Variants in ALG13 observed in about 807,000 individuals in gnomAD.
ALG13 encodes UDP-N-acetylglucosamine transferase subunit ALG13.
Under a neutral mutation model 87.8 loss-of-function variants are expected in ALG13, and 11 were observed. That is an observed-to-expected ratio of 0.13 (90% CI 0.08 to 0.21). The LOEUF (loss-of-function observed/expected upper bound fraction) is 0.21, where lower values mean the gene tolerates loss of function less well. Ranked by LOEUF, ALG13 falls within the 10% of genes least tolerant of loss-of-function variation. ALG13 has a pLI of 1.00. For missense variants in ALG13, 756 were observed against 866.1 expected (o/e 0.87, Z 1.60); for synonymous variants, 320 against 306.3 (o/e 1.04, Z -0.47).
intron 3 of ALG13, among the ~76,000 whole-genome samples, chrX:111,696,982 C>CTTTTTTT (rs55888261): frequency 1.3e-5 from 1 of 74,157 alleles, no homozygotes; most frequent in African/African-American, 5.4e-5. Flanking sequence ...TGGTTCTTAC[C>CTTTTTTT]TTTTTTTTTT....
chrX:111,725,650 T>C (rs1337995846), intron 15 of ALG13, among the ~76,000 whole-genome samples: 1 of 111,826 alleles, frequency 8.9e-6, no homozygotes, highest in Non-Finnish European at 1.9e-5. Flanking sequence ...TTTGAGGTGA[T>C]AGATATCCCA....
At position 111,749,485 on chromosome X, in the gene ALG13, C is replaced by G. The variant is rs144318214; in HGVS notation, c.2933-3305C>G. Among the ~76,000 whole-genome samples the G allele has an allele frequency of 5.1e-3, 550 of 106,848 alleles. 3 individuals are homozygous for G. The highest frequency in any genetic ancestry group is 0.018 in the African/African-American group (519 of 29,167). The allele number at this position is 106,848 out of a possible 115,157, so 92.8% of individuals were successfully genotyped here. A position where few individuals can be genotyped will look rare whatever the true frequency, so the allele number is the denominator to read the frequency against. ...GGTAGGGTCATTTGCATGTCTCTTA[C>G]ACTATCAAATTTTACCAAAAAAAAA... On this transcript the variant is annotated intron_variant, in intron 24 of 26. Transcript: ENST00000394780.
At chrX:111,736,462 G>C (rs759074149) in intron 22 of ALG13, among the ~76,000 whole-genome samples, 1 of 111,386 alleles carries the variant, frequency 9.0e-6, no homozygotes, top group Non-Finnish European at 1.9e-5. Flanking sequence ...CATTGTATAC[G>C]ATTTAATACT....
intron 26 of ALG13, among the ~76,000 whole-genome samples, 161 bp from the exon 27 acceptor site, chrX:111,759,573 T>C (rs1945570966): frequency 8.9e-6 from 1 of 111,999 alleles, no homozygotes; most frequent in Non-Finnish European, 1.9e-5. Flanking sequence ...CATATTATCT[T>C]TACTCATTAT....
intron 26 of ALG13, 59 bp downstream of exon 26, chrX:111,757,821 C>CA: frequency 3.8e-6 from 4 of 1,056,654 alleles, no homozygotes; most frequent in African/African-American, 1.8e-5. Flanking sequence ...GTGTGTAATT[C>CA]AATAATAGCT....
chrX:111,736,416 C>A (rs1159146865), intron 22 of ALG13, among the ~76,000 whole-genome samples: 1 of 111,590 alleles, frequency 9.0e-6, no homozygotes, highest in Non-Finnish European at 1.9e-5. Context: ...GAGCGGGCAA[C>A]TAGGCAGACA....
chrX:111,713,358 C>T, intron 8 of ALG13, 61 bp downstream of exon 8: 1 of 768,300 alleles, frequency 1.3e-6, no homozygotes, highest in Non-Finnish European at 1.9e-6. Flanking sequence ...TCTGGCTTGC[C>T]TGGATATTAA....
At chrX:111,698,198 A>G (rs1322651837) in intron 3 of ALG13, among the ~76,000 whole-genome samples, 1 of 111,746 alleles carries the variant, frequency 8.9e-6, no homozygotes, top group East Asian at 2.8e-4. Context: ...ATATCATTGT[A>G]ACCTTCCTAC....
intron 8 of ALG13, among the ~76,000 whole-genome samples, chrX:111,715,170 C>T (rs772320471): frequency 9.0e-6 from 1 of 111,694 alleles, no homozygotes; most frequent in Non-Finnish European, 1.9e-5. Flanking sequence ...CATGAGAATA[C>T]AAAAATTTCA....
rs762118639 is a variant in ALG13, at chrX:111,682,382, T to TGTGC, written c.244+90_244+93dup. On this transcript the variant is annotated intron_variant, in intron 2 of 26. Transcript: ENST00000394780. The stretch of plus-strand genomic sequence containing the variant: ...GTATTCTGGGGGTACATGTGCAGGA[T>TGTGC]GTGCGGGCTTGTTACAAAGGTAAAC... 4.4e-3 allele frequency: 3,322 copies of TGTGC among 751,001 alleles called. 12 individuals carry two copies. Among genetic ancestry groups the TGTGC allele is most frequent in the Non-Finnish European group, 5.4e-3 (2,954 of 547,066 alleles). 61.9% of individuals were successfully genotyped at this position (751,001 alleles called of 1,213,427 possible). A position where few individuals can be genotyped will look rare whatever the true frequency, so the allele number is the denominator to read the frequency against.
chrX:111,717,982 C>G, intron 9 of ALG13, 55 bp downstream of exon 9: 2 of 1,108,644 alleles, frequency 1.8e-6, no homozygotes, highest in African/African-American at 3.6e-5. Context: ...TGTTTTCACT[C>G]AGGGACCCAC....
In ALG13 at chrX:111,749,296, G is replaced by T. The variant is rs551360956; in HGVS notation, c.2933-3494G>T. Among the ~76,000 whole-genome samples, 6 of 110,223 alleles carry T rather than the reference G, an allele frequency of 5.4e-5. No homozygotes were observed. In the South Asian group the frequency reaches 2.3e-3, roughly 43 times the overall value. On this transcript the variant is annotated intron_variant, in intron 24 of 26. Coordinates refer to ENST00000394780, the MANE Select transcript of ALG13 (RefSeq NM_001099922.3). ...CCAGTATTCCAGCAGTACCATTTGT[G>T]AAAAAGATTTTCCTTTCCTCGTTGG...
intron 26 of ALG13, among the ~76,000 whole-genome samples, chrX:111,758,979 T>C (rs1945509450): frequency 9.0e-6 from 1 of 110,709 alleles, no homozygotes; most frequent in African/African-American, 3.3e-5. Context: ...ATATTAGGAA[T>C]ACTAATTTCT....
At chrX:111,746,594 C>T (rs1944259112) in intron 24 of ALG13, among the ~76,000 whole-genome samples, 1 of 111,682 alleles carries the variant, frequency 9.0e-6, no homozygotes, top group South Asian at 3.8e-4. Context: ...GGACTGTTTC[C>T]AGTTTGGGGC....
At chrX:111,717,541 CTTTTTTTTT>C (rs773345817) in intron 8 of ALG13, among the ~76,000 whole-genome samples, 1 of 81,266 alleles carries the variant, frequency 1.2e-5, no homozygotes, top group African/African-American at 4.6e-5. Context: ...CTAAGTGTTC[CTTTTTTTTT>C]TTTTTTTTTT....
chrX:111,734,861 G>GA (rs1282995174), intron 21 of ALG13, among the ~76,000 whole-genome samples, 190 bp from the exon 22 acceptor site: 1 of 111,794 alleles, frequency 8.9e-6, no homozygotes, highest in Non-Finnish European at 1.9e-5. Flanking sequence ...GAGGATTTCT[G>GA]TAGATATGTA....
intron 24 of ALG13, among the ~76,000 whole-genome samples, chrX:111,746,946 A>G (rs1195502759): frequency 9.0e-6 from 1 of 111,450 alleles, no homozygotes; most frequent in African/African-American, 3.3e-5. Context: ...ATTGAGAGGA[A>G]GGCATAGGGA....
intron 10 of ALG13, among the ~76,000 whole-genome samples, chrX:111,719,666 C>T: frequency 8.9e-6 from 1 of 111,834 alleles, no homozygotes; most frequent in East Asian, 2.8e-4. Flanking sequence ...AGTCTACTTC[C>T]CCACTCATGG....
At chrX:111,723,657 C>T in intron 13 of ALG13, 141 bp from the exon 14 acceptor site, 1 of 416,624 alleles carries the variant, frequency 2.4e-6, no homozygotes, top group African/African-American at 2.6e-5. Flanking sequence ...TATGTGCTGT[C>T]TCCATTGATC....
Sources: allele counts gnomAD v4.1 joint callset (sites outside exome capture counted in the v4.1 genomes callset), GRCh38; gene constraint gnomAD v4.1.1; transcripts MANE v1.5; gene names NCBI Gene and HGNC (gene_info 2026-07-23, HGNC 2026-07-21).